Variants in RNF121 observed in about 807,000 individuals in gnomAD.
RNF121 encodes E3 ubiquitin ligase RNF121.
In RNF121, 21 loss-of-function variants were observed where a neutral mutation model predicts 46.5. The ratio of observed to expected loss-of-function variants is 0.45; its 90% confidence interval spans 0.32 to 0.65. RNF121 has a LOEUF of 0.65. RNF121 is among the 30% of genes least tolerant of loss of function. The pLI is 0.04. For synonymous variants in RNF121, 139 were observed against 144.7 expected (o/e 0.96, Z 0.28); for missense variants, 346 against 416.0 (o/e 0.83, Z 1.46).
At chr11:71,954,265 C>T (rs939379674) in intron 1 of RNF121, among the ~76,000 whole-genome samples, 3 of 152,126 alleles carry the variant, frequency 2.0e-5, no homozygotes, top group African/African-American at 7.2e-5. Flanking sequence ...TTTACTTGAG[C>T]AGGAAGACTG....
intron 1 of RNF121, among the ~76,000 whole-genome samples, chr11:71,937,085 T>A (rs772560241): frequency 4.6e-5 from 7 of 152,346 alleles, no homozygotes; most frequent in Non-Finnish European, 8.8e-5. Context: ...TGGATTCATT[T>A]AAATTAATGC....
intron 3 of RNF121, among the ~76,000 whole-genome samples, chr11:71,969,575 T>C (rs908643172): frequency 3.9e-5 from 6 of 152,224 alleles, no homozygotes; most frequent in Admixed American, 6.5e-5. Flanking sequence ...TATTTTACTT[T>C]ATTTTGAGAC....
At chr11:71,977,941 C>T (rs1229142358) in intron 3 of RNF121, 1 of 266,462 alleles carries the variant, frequency 3.8e-6, no homozygotes, top group Non-Finnish European at 7.5e-6. Context: ...CACGAGATGG[C>T]ACTAGAGGCC....
intron 1 of RNF121, among the ~76,000 whole-genome samples, chr11:71,940,167 C>A (rs1027591037): frequency 2.0e-5 from 3 of 152,198 alleles, no homozygotes; most frequent in African/African-American, 7.2e-5. Flanking sequence ...GATATATTTA[C>A]TGATAACTGC....
chr11:71,978,070 ATTT>A, intron 3 of RNF121: 2 of 265,448 alleles, frequency 7.5e-6, no homozygotes, highest in South Asian at 2.9e-5. Flanking sequence ...AATTTTTTGT[ATTT>A]TTTTTTTTTA....
intron 4 of RNF121, 134 bp from the exon 5 acceptor site, chr11:71,986,870 C>T: frequency 1.7e-6 from 1 of 601,946 alleles, no homozygotes; most frequent in Non-Finnish European, 3.0e-6. Flanking sequence ...TGGATAGTAA[C>T]TGAAGTTGCT....
chr11:71,938,314 ATTTTTTT>A, intron 1 of RNF121, among the ~76,000 whole-genome samples: 1 of 94,920 alleles, frequency 1.1e-5, no homozygotes, highest in African/African-American at 3.9e-5. Flanking sequence ...TAGTCTCTTA[ATTTTTTT>A]TTTTTTTTTT....
At chr11:71,972,246 A>G (rs962235759) in intron 3 of RNF121, among the ~76,000 whole-genome samples, 6 of 152,202 alleles carry the variant, frequency 3.9e-5, no homozygotes, top group Admixed American at 3.9e-4. Context: ...GTCTGGGGTG[A>G]GGAATAGTAA....
intron 6 of RNF121, among the ~76,000 whole-genome samples, chr11:71,991,813 G>T (rs1197765926): frequency 1.3e-5 from 2 of 152,136 alleles, no homozygotes; most frequent in Non-Finnish European, 1.5e-5. Flanking sequence ...TAAAGATTTT[G>T]ATTTTTATGC....
In RNF121 at chr11:71,993,768, A is replaced by G. The variant is rs573896925; in HGVS notation, c.628-951A>G. 1.4e-4 allele frequency among the ~76,000 whole-genome samples: 22 copies of G among 151,814 alleles called. No homozygotes were observed. The South Asian group carries it at 4.6e-3, about 32-fold the overall frequency. ...TGTTTAACTTTTTGAGGACATGCCA[A>G]ACTCTTTGCTTTCTTAATTATGATA... is the stretch of plus-strand genomic sequence containing the variant. On this transcript the variant is annotated intron_variant, in intron 6 of 8. Transcript: ENST00000361756.
At chr11:71,946,794 C>G (rs1236139141) in intron 1 of RNF121, among the ~76,000 whole-genome samples, 4 of 150,944 alleles carry the variant, frequency 2.6e-5, no homozygotes, top group African/African-American at 9.7e-5. Flanking sequence ...CTCACTGCAG[C>G]CTCTGCCTCC....
chr11:71,987,215 T>C (rs1954788952), intron 5 of RNF121, 104 bp downstream of exon 5: 1 of 760,704 alleles, frequency 1.3e-6, no homozygotes, highest in Non-Finnish European at 2.3e-6. Flanking sequence ...GGACGTAATA[T>C]CCAGGATAGG....
intron 6 of RNF121, among the ~76,000 whole-genome samples, chr11:71,991,976 G>A (rs527825116): frequency 1.5e-4 from 23 of 151,676 alleles, no homozygotes; most frequent in African/African-American, 2.7e-4. Context: ...AAACCTAGCC[G>A]GGCGTGGTGG....
intron 1 of RNF121, among the ~76,000 whole-genome samples, chr11:71,945,026 C>T (rs770016233): frequency 2.0e-5 from 3 of 151,658 alleles, no homozygotes; most frequent in Non-Finnish European, 4.4e-5. Context: ...GGTCTTCTGT[C>T]ACCCAGGCTG....
intron 1 of RNF121, among the ~76,000 whole-genome samples, chr11:71,933,893 C>T (rs1291005745): frequency 6.6e-6 from 1 of 152,180 alleles, no homozygotes; most frequent in Admixed American, 6.5e-5. Flanking sequence ...AGCTCCTCTG[C>T]CTAATGGTAT....
intron 1 of RNF121, among the ~76,000 whole-genome samples, chr11:71,940,101 AT>A (rs1179275213): frequency 2.0e-5 from 3 of 152,244 alleles, no homozygotes; most frequent in African/African-American, 7.2e-5. Flanking sequence ...AAGCATATGT[AT>A]AAAGGAATAA....
At position 71,960,871 on chromosome 11, in the gene RNF121, A is replaced by T; in HGVS notation, c.223A>T (p.Arg75Trp). ...AQLLLVQWKQ[R>W]HPRSYNMVTL... is the part of the protein sequence containing the mutation. ...GCTGCTCCTGGTGCAGTGGAAGCAG[A>T]GGCACCCACGCTCCTACAATGTAAG... The change falls in exon 3 of 9, where the codon AGG becomes TGG. Residue 75 changes from arginine to tryptophan, a missense_variant. Physicochemically the swap from Arg to Trp is moderately radical, Grantham distance 101. This residue lies in a region of RNF121 where 286 missense variants were observed against 383.8 expected (regional missense o/e 0.75). Transcript: ENST00000361756. The T allele has an allele frequency of 6.2e-7, 1 of 1,614,098 alleles. No individual in the cohort carries two copies. The highest frequency in any genetic ancestry group is 8.5e-7 in the Non-Finnish European group (1 of 1,179,994).
At chr11:71,962,376 GA>G in intron 3 of RNF121, 1 of 782,848 alleles carries the variant, frequency 1.3e-6, no homozygotes, top group South Asian at 5.8e-5. Context: ...TTATCTTAAG[GA>G]AAAACTCAAT....
intron 2 of RNF121, among the ~76,000 whole-genome samples, chr11:71,959,051 T>C (rs1410957069): frequency 6.6e-6 from 1 of 152,220 alleles, no homozygotes; most frequent in African/African-American, 2.4e-5. Flanking sequence ...AGAAAAAATA[T>C]GGACTCCTTT....
Sources: allele counts gnomAD v4.1 joint callset (sites outside exome capture counted in the v4.1 genomes callset), GRCh38; gene constraint gnomAD v4.1.1; regional missense constraint gnomAD v4.1.1; transcripts MANE v1.5; gene names NCBI Gene and HGNC (gene_info 2026-07-23, HGNC 2026-07-21).